PCM1: variants seen among roughly 807,000 people sequenced by gnomAD.
PCM1 encodes the protein pericentriolar material 1 protein.
Under a neutral mutation model 241.9 loss-of-function variants are expected in PCM1, and 157 were observed. The observed-to-expected ratio is 0.65, with a 90% CI of 0.57 to 0.74. The LOEUF is 0.74. Among genes scored for constraint, PCM1 ranks in the 30% least tolerant of loss-of-function variants. PCM1 has a pLI of 0.00. For missense variants in PCM1, 3,478 were observed against 2,360.1 expected (o/e 1.47, Z -9.81); for synonymous variants, 1,085 against 784.9 (o/e 1.38, Z -6.39).
intron 25 of PCM1, 85 bp from the exon 26 acceptor site, chr8:17,985,874 C>T (rs781422337): frequency 1.4e-5 from 14 of 976,660 alleles, no homozygotes; most frequent in Non-Finnish European, 2.0e-5. Context: ...TTCCTTCCAT[C>T]TGCTTTTATT....
chr8:17,965,049 A>C (rs534426139), intron 18 of PCM1, among the ~76,000 whole-genome samples: 42 of 152,288 alleles, frequency 2.8e-4, no homozygotes, highest in African/African-American at 1.0e-3. Flanking sequence ...AATCCCCTTC[A>C]GGTTTATTTG....
chr8:18,010,164 TTTTA>T (rs1247722336), intron 31 of PCM1, among the ~76,000 whole-genome samples: 6 of 152,154 alleles, frequency 3.9e-5, no homozygotes, highest in Admixed American at 1.3e-4. Context: ...AGGGCTTTGG[TTTTA>T]CCTCCCTGTA....
intron 6 of PCM1, among the ~76,000 whole-genome samples, chr8:17,940,548 T>G: frequency 6.6e-6 from 1 of 152,160 alleles, no homozygotes; most frequent in South Asian, 2.1e-4. Context: ...ATAACCAAGT[T>G]CATTTGTCAC....
chr8:17,948,249 T>TAAGTTTGC (rs1311853897), intron 7 of PCM1, among the ~76,000 whole-genome samples: 1 of 151,794 alleles, frequency 6.6e-6, no homozygotes, highest in African/African-American at 2.4e-5. Context: ...ATACCTAATT[T>TAAGTTTGC]AAGTTTGCAT....
intron 2 of PCM1, among the ~76,000 whole-genome samples, chr8:17,930,101 C>G (rs1319010471): frequency 9.1e-6 from 1 of 109,292 alleles, no homozygotes; most frequent in Non-Finnish European, 2.0e-5. Flanking sequence ...GGAATACTTC[C>G]TTTTTTTTTT....
In PCM1 at chr8:17,950,660, C is replaced by G. The variant is rs1366116456; in HGVS notation, c.1007C>G (p.Ser336Cys). 1 of 1,606,340 alleles carries G rather than the reference C, an allele frequency of 6.2e-7. No homozygotes were observed. Among genetic ancestry groups the G allele is most frequent in the South Asian group, 1.1e-5 (1 of 89,602 alleles). ...AGCTTATCTGGCGTCAGTATCACAT[C>G]TGAACTAAATGAAGAATTGAATGAC... ...AGSLSGVSIT[S>C]ELNEELNDLI... Residue 336 changes from serine to cysteine, a missense_variant, in exon 8 of 39, where the codon TCT (serine) becomes TGT (cysteine). By Grantham distance (112) the Ser-to-Cys change is moderately radical. Transcript: ENST00000325083.
At chr8:18,023,311 T>A (rs2093907722) in intron 36 of PCM1, among the ~76,000 whole-genome samples, 1 of 152,256 alleles carries the variant, frequency 6.6e-6, no homozygotes. Flanking sequence ...AAGAACTCCC[T>A]GTGATCTCCC....
In PCM1 at chr8:18,005,362, T is replaced by G. The variant is rs866025693; in HGVS notation, c.4828-901T>G. Among the ~76,000 whole-genome samples the G allele has an allele frequency of 1.8e-4, 27 of 151,362 alleles. 1 individual carries two copies. The Middle Eastern group carries it at 0.01, about 57-fold the overall frequency. ...ACAGTTGTGTTGTTGTTGTTGTTTT[T>G]TTTTTTTTTTAAATCGCCTGTCTTG... On this transcript the variant is annotated intron_variant, in intron 29 of 38. Transcript: ENST00000325083.
intron 22 of PCM1, among the ~76,000 whole-genome samples, chr8:17,970,407 T>G (rs1248246049): frequency 6.6e-6 from 1 of 151,724 alleles, no homozygotes; most frequent in Admixed American, 6.6e-5. Context: ...TTGACACTGT[T>G]TAATTACTGA....
chr8:17,954,269 A>T (rs1261699330), intron 9 of PCM1, among the ~76,000 whole-genome samples: 1 of 152,122 alleles, frequency 6.6e-6, no homozygotes, highest in African/African-American at 2.4e-5. Flanking sequence ...CTCTACTAAA[A>T]GTACAAAAGT....
intron 10 of PCM1, among the ~76,000 whole-genome samples, chr8:17,956,287 A>G (rs2068445346): frequency 6.6e-6 from 1 of 152,200 alleles, no homozygotes; most frequent in African/African-American, 2.4e-5. Flanking sequence ...TTGATACTTG[A>G]GAAACTAGAA....
rs777565322 is a variant in PCM1, at chr8:18,009,729, A to G, written c.5145A>G (p.Gln1715=). The change falls in exon 31 of 39, where the codon CAA becomes CAG. Residue 1715 remains glutamine (Q), a synonymous_variant. Transcript: ENST00000325083. Reference sequence around the variant, plus strand: ...AAATAGAAGCAACTGGAGTGATACAATCTTGTGCCAAAGAGGTAAATAACG... The same window carrying G: ...AAATAGAAGCAACTGGAGTGATACAGTCTTGTGCCAAAGAGGTAAATAACG... ...KRKIEATGVI[Q]SCAKEAKRIL... 4.8e-5 allele frequency: 70 copies of G among 1,460,946 alleles called. 1 individual carries two copies. Among genetic ancestry groups the G allele is most frequent in the African/African-American group, 7.1e-5 (5 of 70,540 alleles). The allele number at this position is 1,460,946 out of a possible 1,614,324, so 90.5% of individuals were successfully genotyped here.
Position 17,989,968 on chromosome 8 carries a change from C to G in PCM1, c.4520C>G (p.Thr1507Arg), listed in dbSNP as rs1255919843. Residue 1507 changes from threonine to arginine, a missense_variant, in exon 27 of 39, where the codon ACA (threonine) becomes AGA (arginine). Transcript: ENST00000325083. ...TCATCAAATTTTGAGCCTTTTGCAA[C>G]AGATGATCTAGGTAAGCAGAATTGT... ...SVSSNFEPFA[T>R]DDLGNTVIHL... 3.3e-6 allele frequency: 5 copies of G among 1,533,486 alleles called. No homozygotes were observed. In the Admixed American group the frequency reaches 8.2e-5, roughly 25 times the overall value. The allele number at this position is 1,533,486 out of a possible 1,614,324, so 95.0% of individuals were successfully genotyped here. A position where few individuals can be genotyped will look rare whatever the true frequency, so the allele number is the denominator to read the frequency against.
intron 32 of PCM1, 97 bp downstream of exon 32, chr8:18,010,765 G>A (rs984766668): frequency 5.2e-5 from 40 of 769,686 alleles, no homozygotes; most frequent in Non-Finnish European, 6.2e-5. Flanking sequence ...GGTGGATCAC[G>A]AGGTCAAGAT....
rs181777656 is a variant in PCM1, at chr8:17,957,573, T to G, written c.1838T>G (p.Ile613Ser). 5.2e-3 allele frequency: 8,177 copies of G among 1,573,368 alleles called. 27 individuals are homozygous for G. The highest frequency in any genetic ancestry group is 6.3e-3 in the Non-Finnish European group (7,325 of 1,157,730). The change falls in exon 13 of 39, where the codon ATT becomes AGT. Residue 613 changes from isoleucine (I) to serine (S), a missense_variant. By Grantham distance (142) the Ile-to-Ser change is moderately radical. Coordinates refer to ENST00000325083, the MANE Select transcript of PCM1 (RefSeq NM_006197.4). ...CRYNREGEQE[I>S]HVAQGEDDEE... Reference sequence around the variant, plus strand: ...TATAATAGAGAAGGGGAACAGGAGATTCATGTTGCACAAGGTGAAGATGAT... The same window carrying G: ...TATAATAGAGAAGGGGAACAGGAGAGTCATGTTGCACAAGGTGAAGATGAT...
chr8:18,010,780 A>G, intron 32 of PCM1, 112 bp downstream of exon 32: 1 of 683,336 alleles, frequency 1.5e-6, no homozygotes, highest in Non-Finnish European at 2.4e-6. Flanking sequence ...CAAGATTTCC[A>G]GACCAGCCTG....
rs184154303 is a variant in PCM1, at chr8:18,015,618, C to G, written c.5841+778C>G. 4.6e-5 allele frequency: 7 copies of G among 152,244 alleles called. No homozygotes were observed. The East Asian group carries it at 1.3e-3, about 29-fold the overall frequency. The allele number at this position is 152,244 out of a possible 1,614,324, so 9.4% of individuals were successfully genotyped here. A position where few individuals can be genotyped will look rare whatever the true frequency, so the allele number is the denominator to read the frequency against. On this transcript the variant is annotated intron_variant, in intron 36 of 38. Coordinates refer to ENST00000325083, the MANE Select transcript of PCM1 (RefSeq NM_006197.4). ...TGCCTCTGATATTTTGTCAGTGGAA[C>G]ACTAAATCTCTTTTGGTCTGGTGTT...
At chr8:17,997,746 C>T (rs925567393) in intron 29 of PCM1, among the ~76,000 whole-genome samples, 6 of 151,882 alleles carry the variant, frequency 4.0e-5, no homozygotes, top group African/African-American at 1.5e-4. Flanking sequence ...GAATTCCCGG[C>T]CAGGTGCTAT....
At chr8:18,012,378 CA>C (rs1390254369) in intron 34 of PCM1, among the ~76,000 whole-genome samples, 2 of 151,966 alleles carry the variant, frequency 1.3e-5, no homozygotes, top group Non-Finnish European at 2.9e-5. Flanking sequence ...TTAATGGCCC[CA>C]AAGCACAAGA....
Sources: allele counts gnomAD v4.1 joint callset (sites outside exome capture counted in the v4.1 genomes callset), GRCh38; gene constraint gnomAD v4.1.1; transcripts MANE v1.5; gene names NCBI Gene and HGNC (gene_info 2026-07-23, HGNC 2026-07-21).